SRGAP3: variants seen among roughly 807,000 people sequenced by gnomAD.
SRGAP3 encodes the protein SLIT-ROBO Rho GTPase activating protein 3.
Under a neutral mutation model 121.1 loss-of-function variants are expected in SRGAP3, and 39 were observed. That is an observed-to-expected ratio of 0.32 (90% confidence interval 0.25 to 0.42). The LOEUF (loss-of-function observed/expected upper bound fraction) is 0.42, where lower values mean the gene tolerates loss of function less well. Among genes scored for constraint, SRGAP3 ranks in the 10% least tolerant of loss-of-function variants. The pLI, the probability that SRGAP3 is intolerant of heterozygous loss-of-function variation, is 1.00. For missense variants in SRGAP3, 1,213 were observed against 1,470.6 expected, an observed-to-expected ratio of 0.82 and a Z score of 2.86; for synonymous variants, 601 against 570.0, an observed-to-expected ratio of 1.05 and a Z score of -0.77.
intron 3 of SRGAP3, among the ~76,000 whole-genome samples, chr3:9,316,319 G>C (rs1196005814): frequency 1.3e-5 from 2 of 150,950 alleles, no homozygotes; most frequent in African/African-American, 4.9e-5. Context: ...AAAGTGCTGG[G>C]ATTACAGGTG....
chr3:9,314,899 T>G (rs773384837), intron 3 of SRGAP3, among the ~76,000 whole-genome samples: 6 of 152,230 alleles, frequency 3.9e-5, no homozygotes, highest in Admixed American at 6.5e-5. Context: ...TCATTCTCAG[T>G]GCCTGGAGCC....
intron 3 of SRGAP3, among the ~76,000 whole-genome samples, chr3:9,286,240 C>T (rs1954768204): frequency 6.6e-6 from 1 of 151,870 alleles, no homozygotes; most frequent in South Asian, 2.1e-4. Context: ...TGTATACTTT[C>T]TTCTCGTTTA....
chr3:9,176,185 G>T (rs574599098), intron 1 of SRGAP3, among the ~76,000 whole-genome samples: 3 of 152,320 alleles, frequency 2.0e-5, no homozygotes, highest in Non-Finnish European at 4.4e-5. Context: ...CTCCTAAAGT[G>T]CTGGGATTAC....
At chr3:9,258,102 G>C (rs1346550134) in intron 3 of SRGAP3, among the ~76,000 whole-genome samples, 2 of 152,178 alleles carry the variant, frequency 1.3e-5, no homozygotes, top group Non-Finnish European at 2.9e-5. Flanking sequence ...GAAGACCTCA[G>C]TTTAATGGAA....
Position 8,990,532 on chromosome 3 carries a change from C to G in SRGAP3, c.2866G>C (p.Glu956Gln), listed in dbSNP as rs1006568846. The G allele has an allele frequency of 6.4e-7, 1 of 1,562,932 alleles. No homozygotes were observed. The highest frequency in any genetic ancestry group is 1.4e-5 in the African/African-American group (1 of 73,810). Residue 956 changes from glutamate to glutamine, a missense_variant, in exon 21 of 22, where the codon GAG (glutamate) becomes CAG (glutamine). Transcript: ENST00000383836. ...CTTACTTCTGCCAGGGCCTCGGCCT[C>G]CAGGGACTTGTGGTCCCCTAGGCTG... ...HSSLGDHKSL[E>Q]AEALAEDIEK...
At chr3:9,212,342 G>A (rs187421584) in intron 1 of SRGAP3, among the ~76,000 whole-genome samples, 26 of 152,326 alleles carry the variant, frequency 1.7e-4, no homozygotes, top group East Asian at 1.4e-3. Flanking sequence ...CACAAGTCAG[G>A]TGGTAATAGC....
At chr3:9,342,073 G>A (rs1955796602) in intron 1 of SRGAP3, among the ~76,000 whole-genome samples, 3 of 152,104 alleles carry the variant, frequency 2.0e-5, no homozygotes, top group Admixed American at 6.5e-5. Context: ...AAATCAGGCC[G>A]GGGGTGATGG....
At chr3:9,020,982 C>A (rs1232611138) in intron 14 of SRGAP3, among the ~76,000 whole-genome samples, 2 of 152,250 alleles carry the variant, frequency 1.3e-5, no homozygotes, top group Admixed American at 1.3e-4. Flanking sequence ...AGGGCAGAGA[C>A]TGAGCACACA....
At chr3:9,248,734 G>C (rs1003229901) in intron 1 of SRGAP3, 151 bp downstream of exon 1, 1 of 809,356 alleles carries the variant, frequency 1.2e-6, no homozygotes, top group Non-Finnish European at 2.1e-6. Context: ...GGACTTGTGC[G>C]GCTGCCACTG....
chr3:9,224,544 T>C (rs1952923951), intron 1 of SRGAP3, among the ~76,000 whole-genome samples: 1 of 152,042 alleles, frequency 6.6e-6, no homozygotes, highest in Non-Finnish European at 1.5e-5. Flanking sequence ...CTTCCCAAAA[T>C]TGCCACAATT....
intron 18 of SRGAP3, among the ~76,000 whole-genome samples, chr3:8,998,355 T>C (rs753923074): frequency 6.6e-6 from 1 of 152,164 alleles, no homozygotes; most frequent in Non-Finnish European, 1.5e-5. Flanking sequence ...TTCATTCAGG[T>C]CTGTACTCAA....
chr3:9,092,922 T>C (rs1367004922), intron 3 of SRGAP3, among the ~76,000 whole-genome samples: 1 of 152,140 alleles, frequency 6.6e-6, no homozygotes, highest in Non-Finnish European at 1.5e-5. Context: ...GAGTAATCTT[T>C]CTTGATTGTG....
chr3:9,147,476 T>C (rs952018963), intron 1 of SRGAP3, among the ~76,000 whole-genome samples: 2 of 152,026 alleles, frequency 1.3e-5, no homozygotes, highest in Non-Finnish European at 2.9e-5. Context: ...GGCTGTCAGG[T>C]GCTGTAGCCA....
chr3:9,031,535 T>C (rs1944481284), intron 12 of SRGAP3, among the ~76,000 whole-genome samples: 1 of 152,096 alleles, frequency 6.6e-6, no homozygotes, highest in Admixed American at 6.6e-5. Flanking sequence ...CCACTTGCCC[T>C]TTTCCCCACT....
intron 2 of SRGAP3, among the ~76,000 whole-genome samples, chr3:9,123,050 G>T (rs1048293219): frequency 7.9e-5 from 12 of 152,166 alleles, no homozygotes; most frequent in African/African-American, 2.9e-4. Flanking sequence ...TGAACTTTGA[G>T]GCATTATGCT....
At chr3:9,329,735 G>A (rs1955574999) in intron 2 of SRGAP3, among the ~76,000 whole-genome samples, 1 of 152,198 alleles carries the variant, frequency 6.6e-6, no homozygotes, top group African/African-American at 2.4e-5. Context: ...GCAGCAAAGG[G>A]ATCTTTTCCA....
chr3:9,070,696 G>C (rs1161853149), intron 4 of SRGAP3, among the ~76,000 whole-genome samples: 1 of 152,158 alleles, frequency 6.6e-6, no homozygotes, highest in Non-Finnish European at 1.5e-5. Flanking sequence ...GGTAAAATGA[G>C]GGAGGTACAG....
chr3:9,075,989 G>A (rs1407626330), intron 4 of SRGAP3, among the ~76,000 whole-genome samples: 22 of 152,186 alleles, frequency 1.4e-4, no homozygotes, highest in Non-Finnish European at 1.2e-4. Context: ...GTAAGGGGAG[G>A]GGGCCTTGCT....
At chr3:9,045,741 C>T (rs1210842429) in intron 10 of SRGAP3, among the ~76,000 whole-genome samples, 2 of 152,158 alleles carry the variant, frequency 1.3e-5, no homozygotes, top group African/African-American at 2.4e-5. Context: ...GGCCCAGGAT[C>T]GTATTTTTTA....
Sources: gnomAD v4.1 joint callset for allele counts (sites outside exome capture counted in the v4.1 genomes callset) on GRCh38, gnomAD v4.1.1 for gene constraint, MANE v1.5 for transcripts, NCBI Gene and HGNC (gene_info 2026-07-23, HGNC 2026-07-21) for gene names.